AAK1: variants seen among roughly 807,000 people sequenced by gnomAD.
AAK1 encodes the protein AP2 associated kinase 1, also known as AP2-associated protein kinase 1.
A neutral mutation model predicts 116.0 loss-of-function variants in AAK1; 37 were observed. That is an observed-to-expected ratio of 0.32 (90% confidence interval 0.25 to 0.42). AAK1 has a LOEUF of 0.42. AAK1 is among the 10% of genes least tolerant of loss of function. The pLI is 1.00. For missense variants in AAK1, 919 were observed against 1,170.6 expected, an observed-to-expected ratio of 0.79 and a Z score of 3.14; for synonymous variants, 458 against 439.9, an observed-to-expected ratio of 1.04 and a Z score of -0.51.
At chr2:69,573,981 C>A (rs1323954530) in intron 2 of AAK1, among the ~76,000 whole-genome samples, 2 of 151,130 alleles carry the variant, frequency 1.3e-5, no homozygotes, top group South Asian at 2.1e-4. Flanking sequence ...GGTGACAGAG[C>A]AAGACTCCAT....
chr2:69,542,670 G>T lies in AAK1; in HGVS notation c.392-5C>A, dbSNP rs753344464. 1.2e-5 allele frequency: 19 copies of T among 1,613,432 alleles called. No homozygotes were observed. The highest frequency in any genetic ancestry group is 1.6e-5 in the Non-Finnish European group (19 of 1,179,800). On this transcript the variant is annotated splice_region_variant and splice_polypyrimidine_tract_variant and intron_variant, in intron 4 of 21. Transcript: ENST00000409085. ...TCAGGTTTACCACCTGGCCACCTGA[G>T]GGGGTACGTACAGGGCAAAGGAGAC...
In AAK1 at chr2:69,475,958, G is replaced by A. The variant is rs1476424765; in HGVS notation, c.2797C>T (p.His933Tyr). The A allele has an allele frequency of 6.2e-7, 1 of 1,611,318 alleles. No homozygotes were observed. The highest frequency in any genetic ancestry group is 8.5e-7 in the Non-Finnish European group (1 of 1,178,844). Residue 933 changes from histidine (H) to tyrosine (Y), a missense_variant, in exon 22 of 22, where the codon CAC becomes TAC. Around this residue, in one of 4 missense-constraint regions of AAK1, gnomAD observed 263 missense variants for 285.5 expected, o/e 0.92. Coordinates refer to ENST00000409085, the MANE Select transcript of AAK1 (RefSeq NM_014911.5). ...GAGCTCCCACTGCTGTTTCTAGAGT[G>A]CCCACCTGGAAGTGGAGAGATAGGA... ...VLITKNPQGG[H>Y]SRNSSGSSES...
At chr2:69,581,895 T>C (rs577113087) in intron 2 of AAK1, among the ~76,000 whole-genome samples, 2 of 152,116 alleles carry the variant, frequency 1.3e-5, no homozygotes, top group African/African-American at 2.4e-5. Context: ...GGTGGGAGAA[T>C]TGCTTGAGCC....
At chr2:69,540,608 T>C (rs1442233604) in intron 5 of AAK1, among the ~76,000 whole-genome samples, 1 of 152,160 alleles carries the variant, frequency 6.6e-6, no homozygotes, top group East Asian at 1.9e-4. Flanking sequence ...CAATAACAAG[T>C]GTTGGTAAAG....
At chr2:69,526,132 G>C (rs1670014649) in intron 9 of AAK1, among the ~76,000 whole-genome samples, 1 of 152,206 alleles carries the variant, frequency 6.6e-6, no homozygotes, top group South Asian at 2.1e-4. Context: ...GGTCCGGTTT[G>C]CTTTGCCCTC....
intron 13 of AAK1, among the ~76,000 whole-genome samples, chr2:69,514,007 C>T (rs1053996268): frequency 2.6e-5 from 4 of 152,134 alleles, no homozygotes; most frequent in Non-Finnish European, 5.9e-5. Flanking sequence ...AGGCCCTTGA[C>T]GGGAGCTGCA....
intron 3 of AAK1, among the ~76,000 whole-genome samples, chr2:69,554,153 A>G (rs1671298410): frequency 6.6e-6 from 1 of 152,134 alleles, no homozygotes; most frequent in South Asian, 2.1e-4. Flanking sequence ...TACGGGTTCT[A>G]ACAAAAAAGA....
Position 69,474,537 on chromosome 2 carries a change from A to G in AAK1, c.*1332T>C. ...AGTTAATAAAGAACTATGCTTTATT[A>G]TTTTTTTTTAATCTAGGAAGCCAAG... On this transcript the variant is annotated 3_prime_UTR_variant, in exon 22 of 22. Transcript: ENST00000409085. 6 of 977,660 alleles carry G rather than the reference A, an allele frequency of 6.1e-6. No individual in the cohort carries two copies. Among genetic ancestry groups the G allele is most frequent in the Non-Finnish European group, 7.3e-6 (6 of 823,342 alleles). The allele number at this position is 977,660 out of a possible 1,614,324, so 60.6% of individuals were successfully genotyped here. A position where few individuals can be genotyped will look rare whatever the true frequency, so the allele number is the denominator to read the frequency against.
At chr2:69,564,406 G>A (rs1394811416) in intron 2 of AAK1, among the ~76,000 whole-genome samples, 8 of 151,378 alleles carry the variant, frequency 5.3e-5, no homozygotes, top group African/African-American at 1.9e-4. Flanking sequence ...TGTAATTTTG[G>A]AGAAAGGCTA....
intron 16 of AAK1, among the ~76,000 whole-genome samples, chr2:69,500,689 A>ATATATATATATATATATATG (rs1675939183): frequency 6.0e-5 from 7 of 115,938 alleles, no homozygotes; most frequent in African/African-American, 2.6e-4. Flanking sequence ...ATATATATAT[A>ATATATATATATATATATATG]TATATATATA....
rs188937362 is a variant in AAK1, at chr2:69,465,240, C to G, written c.*10629G>C. The G allele has an allele frequency of 7.8e-5, 33 of 421,910 alleles. No homozygotes were observed. In the East Asian group the frequency reaches 2.6e-3, roughly 33 times the overall value. 26.1% of individuals were successfully genotyped at this position (421,910 alleles called of 1,614,324 possible). ...AACAAACAAACAAAAATGAACATAACTTAAAGGGGCTTCAACTAAATATCA... is the reference window on the plus strand; with the variant it reads ...AACAAACAAACAAAAATGAACATAAGTTAAAGGGGCTTCAACTAAATATCA... On this transcript the variant is annotated 3_prime_UTR_variant, in exon 22 of 22. Transcript: ENST00000409085.
intron 17 of AAK1, among the ~76,000 whole-genome samples, chr2:69,494,596 AG>A (rs1164986499): frequency 6.6e-6 from 1 of 152,166 alleles, no homozygotes; most frequent in Admixed American, 6.5e-5. Context: ...CAAAACAGGG[AG>A]GAAAAGACAG....
At chr2:69,542,716 T>A (rs1190923566) in intron 4 of AAK1, 51 bp from the exon 5 acceptor site, 4 of 1,592,142 alleles carry the variant, frequency 2.5e-6, no homozygotes, top group Admixed American at 3.4e-5. Flanking sequence ...TTCGGACTTG[T>A]CATTTAGTCT....
intron 2 of AAK1, among the ~76,000 whole-genome samples, chr2:69,634,959 GAAAAT>G (rs1346625631): frequency 9.9e-5 from 15 of 152,040 alleles, no homozygotes; most frequent in Non-Finnish European, 2.9e-5. Context: ...GGTAGACAAA[GAAAAT>G]AAAAGATCCT....
chr2:69,573,492 G>A (rs75243980), intron 2 of AAK1, among the ~76,000 whole-genome samples: 7,255 of 152,192 alleles, frequency 0.048, 469 homozygotes, highest in East Asian at 0.18. Context: ...ATTGAGAAGA[G>A]GGAAAGGAAT....
At position 69,520,937 on chromosome 2, in the gene AAK1, C is replaced by T; in HGVS notation, c.1107G>A (p.Arg369=). ...TCGGCTGAGTCTGCCCAGCTTTAGGCCTCTGGCGGGGTGCAATTGAAGTCT... is the reference window on the plus strand; with the variant it reads ...TCGGCTGAGTCTGCCCAGCTTTAGGTCTCTGGCGGGGTGCAATTGAAGTCT... ...TTETSIAPRQ[R]PKAGQTQPNP... The change falls in exon 11 of 22, where the codon AGG becomes AGA. Residue 369 remains arginine, a synonymous_variant. Transcript: ENST00000409085. 6.2e-7 allele frequency: 1 copy of T among 1,613,208 alleles called. No individual in the cohort carries two copies. Among genetic ancestry groups the T allele is most frequent in the Non-Finnish European group, 8.5e-7 (1 of 1,179,462 alleles).
In AAK1 at chr2:69,474,428, T is replaced by A. The variant is rs781710952; in HGVS notation, c.*1441A>T. On this transcript the variant is annotated 3_prime_UTR_variant, in exon 22 of 22. Transcript: ENST00000409085. ...AGGAAATAAAATACACTTTAATGAGTAAGTACATATAGAGAGGGTGACCAT... is the reference window on the plus strand; with the variant it reads ...AGGAAATAAAATACACTTTAATGAGAAAGTACATATAGAGAGGGTGACCAT... 2.7e-4 allele frequency: 265 copies of A among 985,644 alleles called. No homozygotes were observed. Among genetic ancestry groups the A allele is most frequent in the Non-Finnish European group, 3.0e-4 (245 of 829,928 alleles). 61.1% of individuals were successfully genotyped at this position (985,644 alleles called of 1,614,324 possible).
intron 5 of AAK1, 70 bp downstream of exon 5, chr2:69,542,453 T>A: frequency 6.4e-7 from 1 of 1,571,978 alleles, no homozygotes; most frequent in Non-Finnish European, 8.7e-7. Context: ...CCCCACAGTA[T>A]CTACTCCATC....
intron 16 of AAK1, among the ~76,000 whole-genome samples, chr2:69,497,872 C>T (rs1033328277): frequency 1.3e-5 from 2 of 152,110 alleles, no homozygotes; most frequent in African/African-American, 4.8e-5. Context: ...AGTACCGCGG[C>T]CCTAGGCTCC....
Sources: gnomAD v4.1 joint callset for allele counts (sites outside exome capture counted in the v4.1 genomes callset) on GRCh38, gnomAD v4.1.1 for gene constraint, gnomAD v4.1.1 regional missense constraint, MANE v1.5 for transcripts, NCBI Gene and HGNC (gene_info 2026-07-23, HGNC 2026-07-21) for gene names.